Variants in JAKMIP3 observed in about 807,000 individuals in gnomAD.
JAKMIP3 encodes the protein Janus kinase and microtubule interacting protein 3.
A neutral mutation model predicts 118.5 loss-of-function variants in JAKMIP3; 58 were observed. The ratio of observed to expected loss-of-function variants is 0.49; its 90% CI spans 0.40 to 0.61. JAKMIP3 has a LOEUF of 0.61. Ranked by LOEUF, JAKMIP3 falls within the 20% of genes least tolerant of loss-of-function variation. JAKMIP3 has a pLI of 0.00. For synonymous variants in JAKMIP3, 486 were observed against 451.2 expected (o/e 1.08, Z -0.98); for missense variants, 950 against 1,109.0 (o/e 0.86, Z 2.04).
intron 23 of JAKMIP3, among the ~76,000 whole-genome samples, chr10:132,171,882 C>T (rs1757508082): frequency 6.6e-6 from 1 of 152,072 alleles, no homozygotes; most frequent in Non-Finnish European, 1.5e-5. Context: ...TCTCAAACTC[C>T]TGACCTCGTG....
At position 132,140,566 on chromosome 10, in the gene JAKMIP3, A is replaced by G. The variant is rs749851146; in HGVS notation, c.1460A>G (p.Asp487Gly). 30 of 1,592,918 alleles carry G rather than the reference A, an allele frequency of 1.9e-5. No homozygotes were observed. Among genetic ancestry groups the G allele is most frequent in the Non-Finnish European group, 2.4e-5 (28 of 1,175,704 alleles). The change falls in exon 10 of 24, where the codon GAT becomes GGT. Residue 487 changes from aspartate to glycine, a missense_variant. Coordinates refer to ENST00000684848, the MANE Select transcript of JAKMIP3 (RefSeq NM_001323087.2). ...RTDQTPCTPD[D>G]DLEEGMAKEE... The stretch of plus-strand genomic sequence containing the variant: ...GACCAGACCCCGTGCACCCCGGACG[A>G]TGACTTGGAGGAGGTAACGAGGGTC...
intron 1 of JAKMIP3, among the ~76,000 whole-genome samples, chr10:132,078,783 G>A (rs556577873): frequency 7.9e-5 from 12 of 151,216 alleles, no homozygotes; most frequent in Admixed American, 1.3e-4. Context: ...CCCCAGGCCC[G>A]TTTGAAGCTG....
At chr10:132,176,022 A>G in intron 23 of JAKMIP3, among the ~76,000 whole-genome samples, 1 of 152,200 alleles carries the variant, frequency 6.6e-6, no homozygotes, top group Non-Finnish European at 1.5e-5. Context: ...CCCCTCCCTG[A>G]GTACTGCCCA....
chr10:132,092,840 C>T (rs533926207), intron 1 of JAKMIP3, among the ~76,000 whole-genome samples: 25 of 152,292 alleles, frequency 1.6e-4, no homozygotes, highest in African/African-American at 4.1e-4. Flanking sequence ...GGGGGAGAGG[C>T]GCTCTGATTT....
intron 1 of JAKMIP3, among the ~76,000 whole-genome samples, chr10:132,043,100 A>G (rs1215274043): frequency 6.6e-6 from 1 of 152,198 alleles, no homozygotes; most frequent in Non-Finnish European, 1.5e-5. Flanking sequence ...TCTCAAAAAC[A>G]CAAAAGGCTT....
chr10:132,100,839 G>A (rs2044769406), intron 1 of JAKMIP3, among the ~76,000 whole-genome samples: 3 of 151,906 alleles, frequency 2.0e-5, no homozygotes, highest in South Asian at 2.1e-4. Flanking sequence ...AACCCCTGCC[G>A]CGCTCCCCGT....
At chr10:132,136,295 G>A (rs1352567814) in intron 6 of JAKMIP3, among the ~76,000 whole-genome samples, 4 of 152,196 alleles carry the variant, frequency 2.6e-5, no homozygotes, top group Non-Finnish European at 4.4e-5. Context: ...TGCAAAGGAT[G>A]CGGCTGTGGG....
Position 132,180,644 on chromosome 10 carries a change from TGCGTGTGC to T in JAKMIP3, c.*1104-1711_*1104-1704del, listed in dbSNP as rs1188251729. Among the ~76,000 whole-genome samples, 2 of 24,290 alleles carry T rather than the reference TGCGTGTGC, an allele frequency of 8.2e-5. 1 individual carries two copies. Among genetic ancestry groups the T allele is most frequent in the Non-Finnish European group, 1.5e-4 (2 of 13,522 alleles). The allele number at this position is 24,290 out of a possible 152,430, so 15.9% of individuals were successfully genotyped here. A position where few individuals can be genotyped will look rare whatever the true frequency, so the allele number is the denominator to read the frequency against. On this transcript the variant is annotated intron_variant, in intron 23 of 23. Transcript: ENST00000684848. Reference sequence around the variant, plus strand: ...GTGTGTGCGTGTGTGCGTGCGTGTGTGCGTGTGCGTGTGCGTGTGTGCGTGTGTGTGCG... The same window carrying T: ...GTGTGTGCGTGTGTGCGTGCGTGTGTGTGTGCGTGTGTGCGTGTGTGTGCG...
chr10:132,142,170 T>G lies in JAKMIP3; in HGVS notation c.1602+122T>G, dbSNP rs1046494242. The G allele has an allele frequency of 4.9e-6, 5 of 1,026,330 alleles. No individual in the cohort carries two copies. In the African/African-American group the frequency reaches 6.4e-5, roughly 13 times the overall value. 63.6% of individuals were successfully genotyped at this position (1,026,330 alleles called of 1,614,324 possible). A position where few individuals can be genotyped will look rare whatever the true frequency, so the allele number is the denominator to read the frequency against. On this transcript the variant is annotated intron_variant, in intron 11 of 23. Coordinates refer to ENST00000684848, the MANE Select transcript of JAKMIP3 (RefSeq NM_001323087.2). Reference sequence around the variant, plus strand: ...GGCCCGGGCCCCTCCTCTCCTGCCCTTGCCTGCAGTCCTGGTGGTGCCCAT... The same window carrying G: ...GGCCCGGGCCCCTCCTCTCCTGCCCGTGCCTGCAGTCCTGGTGGTGCCCAT...
intron 3 of JAKMIP3, among the ~76,000 whole-genome samples, chr10:132,130,328 G>C (rs1335942723): frequency 6.6e-6 from 1 of 152,238 alleles, no homozygotes; most frequent in Non-Finnish European, 1.5e-5. Context: ...GACCCTCTGT[G>C]CTAGGAAAAC....
At chr10:132,162,488 AG>A (rs2058456005) in intron 19 of JAKMIP3, among the ~76,000 whole-genome samples, 1 of 152,220 alleles carries the variant, frequency 6.6e-6, no homozygotes, top group South Asian at 2.1e-4. Flanking sequence ...TAAGAAGTGG[AG>A]GTTGATGTGC....
chr10:132,127,394 G>T (rs910262532), intron 3 of JAKMIP3, among the ~76,000 whole-genome samples: 6 of 128,102 alleles, frequency 4.7e-5, no homozygotes, highest in Non-Finnish European at 7.8e-5. Flanking sequence ...GGCTAATTTT[G>T]TGTGTGTGTG....
chr10:132,078,048 G>C (rs1349557190), intron 1 of JAKMIP3, among the ~76,000 whole-genome samples: 1 of 152,238 alleles, frequency 6.6e-6, no homozygotes, highest in Non-Finnish European at 1.5e-5. Context: ...CTGGGCTCAG[G>C]TGATCCGCAC....
At chr10:132,043,307 T>C (rs993820940) in intron 1 of JAKMIP3, among the ~76,000 whole-genome samples, 5 of 152,116 alleles carry the variant, frequency 3.3e-5, no homozygotes, top group African/African-American at 1.2e-4. Context: ...CAGGCTCAAG[T>C]GATCCTCCCA....
intron 1 of JAKMIP3, among the ~76,000 whole-genome samples, chr10:132,073,287 G>T (rs570570188): frequency 1.3e-5 from 2 of 152,278 alleles, no homozygotes; most frequent in South Asian, 4.1e-4. Context: ...CCAGGTTCAT[G>T]CCATTCTCCT....
chr10:132,078,313 A>G (rs2041156299), intron 1 of JAKMIP3, among the ~76,000 whole-genome samples: 3 of 151,578 alleles, frequency 2.0e-5, no homozygotes, highest in African/African-American at 7.3e-5. Flanking sequence ...CATTTATAAT[A>G]AAGATGTGGA....
intron 23 of JAKMIP3, chr10:132,181,448 C>T (rs1462370475): frequency 6.6e-6 from 1 of 152,178 alleles, no homozygotes. Flanking sequence ...CCCTGTTTTA[C>T]ATGGGGCTTC....
Position 132,104,758 on chromosome 10 carries a change from C to T in JAKMIP3, c.-51C>T, listed in dbSNP as rs560432144. 5 of 1,536,052 alleles carry T rather than the reference C, an allele frequency of 3.3e-6. No individual in the cohort carries two copies. In the South Asian group the frequency reaches 4.8e-5, roughly 15 times the overall value. ...ACACCCCAGCCACCCCCAGCCCAGC[C>T]CAGCCGGAGCACCCTACCCCTGGGC... On this transcript the variant is annotated 5_prime_UTR_variant, in exon 2 of 24. Coordinates refer to ENST00000684848, the MANE Select transcript of JAKMIP3 (RefSeq NM_001323087.2).
rs554839177 is a variant in JAKMIP3 at position 132,131,188 on chromosome 10, T to G, written c.634-2124T>G. ...AGAGGGAGCTCATGGGGTGAGGGAG[T>G]ATGGGGGCGTTGTGGGGAGACGGGA... On this transcript the variant is annotated intron_variant, in intron 3 of 23. Coordinates refer to ENST00000684848, the MANE Select transcript of JAKMIP3 (RefSeq NM_001323087.2). Among the ~76,000 whole-genome samples the G allele has an allele frequency of 6.5e-5, 9 of 138,398 alleles. No homozygotes were observed. The South Asian group carries it at 7.2e-4, about 11-fold the overall frequency. 90.8% of individuals were successfully genotyped at this position (138,398 alleles called of 152,430 possible). A position where few individuals can be genotyped will look rare whatever the true frequency, so the allele number is the denominator to read the frequency against.
Sources: gnomAD v4.1 joint callset for allele counts (sites outside exome capture counted in the v4.1 genomes callset) on GRCh38, gnomAD v4.1.1 for gene constraint, MANE v1.5 for transcripts, NCBI Gene and HGNC (gene_info 2026-07-23, HGNC 2026-07-21) for gene names.